PRR16: variants seen among roughly 807,000 people sequenced by gnomAD.
The protein encoded by PRR16 is proline rich 16.
In PRR16, 6 loss-of-function variants were observed where a neutral mutation model predicts 18.2. The ratio of observed to expected loss-of-function variants is 0.33; its 90% confidence interval spans 0.18 to 0.65. The LOEUF is 0.65. Among genes scored for constraint, PRR16 ranks in the 30% least tolerant of loss-of-function variants. The pLI is 0.74. For missense variants in PRR16, 412 were observed against 376.6 expected (o/e 1.09, Z -0.78); for synonymous variants, 151 against 147.8 (o/e 1.02, Z -0.16).
At chr5:120,734,166 G>T in the PRR16 span, among the ~76,000 whole-genome samples, 2 of 152,172 alleles carry the variant, frequency 1.3e-5, no homozygotes, top group Admixed American at 6.5e-5. Context: ...AGCCTGAAGC[G>T]GGAGGGCTCC....
chr5:120,564,514 G>A (rs1300840145), intron 1 of PRR16, among the ~76,000 whole-genome samples: 1 of 152,100 alleles, frequency 6.6e-6, no homozygotes, highest in Non-Finnish European at 1.5e-5. Flanking sequence ...AGGCAAGCAT[G>A]TCTTTGCTCT....
chr5:120,593,932 G>C (rs891863443), intron 1 of PRR16, among the ~76,000 whole-genome samples: 4 of 151,992 alleles, frequency 2.6e-5, no homozygotes, highest in African/African-American at 9.7e-5. Flanking sequence ...TGTAGAAAAA[G>C]CTTTTGATAA....
At chr5:120,729,282 A>G in the PRR16 span, among the ~76,000 whole-genome samples, 2 of 152,166 alleles carry the variant, frequency 1.3e-5, no homozygotes, top group Admixed American at 1.3e-4. Flanking sequence ...TTCCAGATTT[A>G]TATTCAGATT....
intron 1 of PRR16, among the ~76,000 whole-genome samples, chr5:120,640,574 A>G (rs776689449): frequency 2.6e-5 from 4 of 152,132 alleles, no homozygotes; most frequent in African/African-American, 4.8e-5. Context: ...TTATACACAG[A>G]TGGGGAATTG....
At chr5:120,751,010 C>A in the PRR16 span, among the ~76,000 whole-genome samples, 33 of 152,194 alleles carry the variant, frequency 2.2e-4, no homozygotes, top group African/African-American at 7.7e-4. Flanking sequence ...ATTTTTTTAG[C>A]TTCCATATAT....
chr5:120,509,050 T>C (rs557903405), intron 1 of PRR16, among the ~76,000 whole-genome samples: 1 of 152,242 alleles, frequency 6.6e-6, no homozygotes, highest in African/African-American at 2.4e-5. Context: ...TTCTGTAAAA[T>C]AGGTTGTTTA....
intron 1 of PRR16, among the ~76,000 whole-genome samples, chr5:120,630,189 A>C (rs527576966): frequency 6.6e-6 from 1 of 151,644 alleles, no homozygotes; most frequent in Admixed American, 6.6e-5. Context: ...TCTCCTAACC[A>C]CTTTTTCTAA....
the PRR16 span, among the ~76,000 whole-genome samples, chr5:120,695,449 A>G: frequency 2.6e-5 from 4 of 152,142 alleles, no homozygotes; most frequent in South Asian, 6.2e-4. Flanking sequence ...ACTTTTTGCC[A>G]TGTCTTCCTT....
chr5:120,778,896 A>T, the PRR16 span, among the ~76,000 whole-genome samples: 103 of 152,236 alleles, frequency 6.8e-4, no homozygotes, highest in African/African-American at 2.3e-3. Flanking sequence ...GATATTAGAG[A>T]GGGAAGTATT....
At chr5:120,716,563 A>G in the PRR16 span, among the ~76,000 whole-genome samples, 1 of 152,120 alleles carries the variant, frequency 6.6e-6, no homozygotes, top group African/African-American at 2.4e-5. Context: ...AGTTCCTGAA[A>G]TGGATGCAAG....
chr5:120,631,988 C>T (rs957703454), intron 1 of PRR16, among the ~76,000 whole-genome samples: 1 of 152,182 alleles, frequency 6.6e-6, no homozygotes, highest in African/African-American at 2.4e-5. Flanking sequence ...CCACCTCACT[C>T]CCCTACTACC....
At chr5:120,709,476 C>T in the PRR16 span, among the ~76,000 whole-genome samples, 1 of 152,058 alleles carries the variant, frequency 6.6e-6, no homozygotes, top group South Asian at 2.1e-4. Flanking sequence ...AAATATTTAT[C>T]ATTTCTTTAT....
chr5:120,699,885 T>C, the PRR16 span, among the ~76,000 whole-genome samples: 2 of 152,164 alleles, frequency 1.3e-5, no homozygotes, highest in African/African-American at 4.8e-5. Context: ...ATGAGAATTA[T>C]GCCGAGATAG....
intron 1 of PRR16, among the ~76,000 whole-genome samples, chr5:120,638,087 A>G (rs767688287): frequency 2.5e-4 from 38 of 152,166 alleles, no homozygotes; most frequent in Non-Finnish European, 4.7e-4. Flanking sequence ...TATATCTTAT[A>G]CAAATAGCCT....
the PRR16 span, among the ~76,000 whole-genome samples, chr5:120,754,042 C>T: frequency 1.2e-3 from 141 of 121,128 alleles, 1 homozygote; most frequent in South Asian, 0.014. Context: ...TTATCAGTAT[C>T]GTATTCATCT....
chr5:120,488,886 T>G, intron 1 of PRR16, among the ~76,000 whole-genome samples: 1 of 152,230 alleles, frequency 6.6e-6, no homozygotes, highest in Non-Finnish European at 1.5e-5. Flanking sequence ...ACATCTTTAT[T>G]TCTGCCTTCA....
chr5:120,585,342 G>T (rs1316798233), intron 1 of PRR16, among the ~76,000 whole-genome samples: 1 of 152,182 alleles, frequency 6.6e-6, no homozygotes, highest in Non-Finnish European at 1.5e-5. Context: ...GGGCATGGTG[G>T]CTCATGCCTG....
intron 1 of PRR16, among the ~76,000 whole-genome samples, chr5:120,618,817 C>T (rs1754596190): frequency 6.6e-6 from 1 of 151,540 alleles, no homozygotes; most frequent in South Asian, 2.1e-4. Context: ...ATTAACTTCC[C>T]AATTAGCAGT....
chr5:120,476,680 A>G (rs532778391), intron 1 of PRR16, among the ~76,000 whole-genome samples: 49 of 152,166 alleles, frequency 3.2e-4, no homozygotes, highest in African/African-American at 1.1e-3. Context: ...CCTCTCATAT[A>G]CCATCATTGT....
Sources: allele counts gnomAD v4.1 joint callset (sites outside exome capture counted in the v4.1 genomes callset), GRCh38; gene constraint gnomAD v4.1.1; transcripts MANE v1.5; gene names NCBI Gene and HGNC (gene_info 2026-07-23, HGNC 2026-07-21).